Variants in DMXL2 observed in about 807,000 individuals in gnomAD.
DMXL2 encodes Dmx like 2, also known as dmX-like protein 2.
DMXL2 carries 103 observed loss-of-function variants against 331.1 expected under a neutral mutation model. That is an observed-to-expected ratio of 0.31 (90% CI 0.27 to 0.37). The LOEUF is 0.37. Among genes scored for constraint, DMXL2 ranks in the 10% least tolerant of loss-of-function variants. The probability of loss-of-function intolerance (pLI) is 1.00; values close to 1 mark genes in which losing one functional copy is unlikely to be tolerated. For missense variants in DMXL2, 3,171 were observed against 3,642.9 expected (o/e 0.87, Z 3.33); for synonymous variants, 1,281 against 1,252.1 (o/e 1.02, Z -0.49).
chr15:51,456,292 A>T lies in DMXL2; in HGVS notation c.8398+17T>A. 6 of 1,596,220 alleles carry T rather than the reference A, an allele frequency of 3.8e-6. No homozygotes were observed. The highest frequency in any genetic ancestry group is 4.3e-6 in the Non-Finnish European group (5 of 1,171,864). On this transcript the variant is annotated intron_variant, in intron 38 of 43. Coordinates refer to ENST00000560891, the MANE Select transcript of DMXL2 (RefSeq NM_001378457.1). ...CCAAATGAGGACACTTACAATTATT[A>T]GGTCATAAATACTTACAGTATTGAT...
At chr15:51,514,334 G>C (rs2046912026) in intron 15 of DMXL2, 108 bp downstream of exon 15, 1 of 662,584 alleles carries the variant, frequency 1.5e-6, no homozygotes, top group Non-Finnish European at 2.5e-6. Context: ...TGGTGAATCT[G>C]TCAAAAATTA....
intron 15 of DMXL2, among the ~76,000 whole-genome samples, chr15:51,513,350 G>T (rs1476329286): frequency 3.9e-5 from 6 of 152,166 alleles, no homozygotes; most frequent in Admixed American, 3.3e-4. Context: ...GCAAAGGTAA[G>T]ATACTACAGA....
chr15:51,498,469 A>C (rs1344921154), intron 18 of DMXL2, 83 bp downstream of exon 18: 1 of 1,377,578 alleles, frequency 7.3e-7, no homozygotes, highest in Non-Finnish European at 9.9e-7. Flanking sequence ...TTGAGACTGC[A>C]ATTCAGTAAA....
Position 51,468,318 on chromosome 15 carries a change from A to G in DMXL2, c.7393-2007T>C, listed in dbSNP as rs530078501. On this transcript the variant is annotated intron_variant, in intron 29 of 43. Coordinates refer to ENST00000560891, the MANE Select transcript of DMXL2 (RefSeq NM_001378457.1). ...TGATTAGCCTAGAATAAAACTAGAA[A>G]GCAGGCAAACTCAAACACTAGTGGA... 4.7e-4 allele frequency among the ~76,000 whole-genome samples: 72 copies of G among 152,352 alleles called. 1 individual carries two copies. Among genetic ancestry groups the G allele is most frequent in the African/African-American group, 1.7e-3 (70 of 41,572 alleles).
At chr15:51,492,037 A>G (rs962713494) in intron 19 of DMXL2, among the ~76,000 whole-genome samples, 1 of 152,242 alleles carries the variant, frequency 6.6e-6, no homozygotes, top group African/African-American at 2.4e-5. Context: ...AAATATTTGA[A>G]TATCAGGCCA....
chr15:51,497,927 C>A (rs1021602841), intron 18 of DMXL2, among the ~76,000 whole-genome samples: 2 of 152,062 alleles, frequency 1.3e-5, no homozygotes, highest in Non-Finnish European at 1.5e-5. Flanking sequence ...AGGGATCAAT[C>A]TGTGTTAAAA....
intron 8 of DMXL2, among the ~76,000 whole-genome samples, chr15:51,545,046 G>A (rs1206728070): frequency 1.3e-5 from 2 of 151,882 alleles, no homozygotes; most frequent in African/African-American, 4.8e-5. Flanking sequence ...ATTTCATACT[G>A]TATTTAAAAA....
chr15:51,533,479 G>C (rs2048119297), intron 13 of DMXL2, among the ~76,000 whole-genome samples: 1 of 152,068 alleles, frequency 6.6e-6, no homozygotes, highest in South Asian at 2.1e-4. Flanking sequence ...AAATCATGGA[G>C]AATGACATCA....
At chr15:51,475,232 C>A (rs2140331438) in intron 27 of DMXL2, among the ~76,000 whole-genome samples, 2 of 152,280 alleles carry the variant, frequency 1.3e-5, no homozygotes, top group Middle Eastern at 6.8e-3. Flanking sequence ...TGGCTCACAC[C>A]TGTAATCCCA....
intron 6 of DMXL2, among the ~76,000 whole-genome samples, chr15:51,548,447 T>C (rs768731200): frequency 5.9e-5 from 9 of 152,166 alleles, no homozygotes; most frequent in African/African-American, 1.7e-4. Context: ...TTTTAAGTGT[T>C]TGCCCTTAGA....
chr15:51,462,399 A>T (rs62018116), intron 33 of DMXL2, among the ~76,000 whole-genome samples: 1 of 152,152 alleles, frequency 6.6e-6, no homozygotes, highest in Admixed American at 6.5e-5. Flanking sequence ...GCAATGGCAC[A>T]ATCTTGGCTT....
intron 6 of DMXL2, among the ~76,000 whole-genome samples, chr15:51,556,217 C>T (rs987404194): frequency 2.6e-5 from 4 of 151,874 alleles, no homozygotes; most frequent in Non-Finnish European, 5.9e-5. Context: ...GTGGCGGGCG[C>T]CTGTAGTCCC....
chr15:51,458,241 G>T (rs911314356), intron 36 of DMXL2, among the ~76,000 whole-genome samples: 1 of 152,188 alleles, frequency 6.6e-6, no homozygotes, highest in African/African-American at 2.4e-5. Context: ...ATCCAGATCA[G>T]ATTAATTTAC....
intron 15 of DMXL2, among the ~76,000 whole-genome samples, chr15:51,509,540 A>G (rs1195274507): frequency 6.6e-6 from 1 of 152,204 alleles, no homozygotes; most frequent in African/African-American, 2.4e-5. Flanking sequence ...ACCAATAACA[A>G]GTTCTGAAAT....
Position 51,481,642 on chromosome 15 carries a change from T to TA in DMXL2, c.5483-20dup, listed in dbSNP as rs779589118. On this transcript the variant is annotated intron_variant, in intron 23 of 43. Transcript: ENST00000560891. ...ATGATAACTATAGAAATCAAACAGA[T>TA]AAAATCACAAAGCATTGTGTTAATA... 6.6e-6 allele frequency: 10 copies of TA among 1,515,688 alleles called. No individual in the cohort carries two copies. In the East Asian group the frequency reaches 6.8e-5, roughly 10 times the overall value. 93.9% of individuals were successfully genotyped at this position (1,515,688 alleles called of 1,614,324 possible).
At chr15:51,620,163 T>TTTTTG (rs552407699) in intron 1 of DMXL2, among the ~76,000 whole-genome samples, 7 of 152,192 alleles carry the variant, frequency 4.6e-5, no homozygotes, top group Non-Finnish European at 7.3e-5. Context: ...AGCAGCTTGT[T>TTTTTG]TTTTGTTTTG....
rs772628019 is a variant in DMXL2, at chr15:51,568,519, G to A, written c.253C>T (p.Pro85Ser). 1.2e-5 allele frequency: 19 copies of A among 1,576,956 alleles called. No homozygotes were observed. Among genetic ancestry groups the A allele is most frequent in the Non-Finnish European group, 1.5e-5 (17 of 1,168,314 alleles). Residue 85 changes from proline (P) to serine (S), a missense_variant, in exon 3 of 44, where the codon CCC (proline) becomes TCC (serine). By Grantham distance (74) the Pro-to-Ser change is moderately conservative. This residue lies in a region of DMXL2 where 1,674 missense variants were observed against 1,780.2 expected (regional missense o/e 0.94). Coordinates refer to ENST00000560891, the MANE Select transcript of DMXL2 (RefSeq NM_001378457.1). ...CTTTTATGAGAATTTATGCCCAAGG[G>A]CTCAAATATACAAACAGCATTACCA... The part of the protein sequence containing the change: ...SYGNAVCIFE[P>S]LGINSHKRNC...
Position 51,556,300 on chromosome 15 carries a change from G to A in DMXL2, c.567+7081C>T, listed in dbSNP as rs145366100. ...AGAGCTTGCAGTGAGCCGAGATCGC[G>A]CCACTGCACTCCACCCTGGGTGACA... On this transcript the variant is annotated intron_variant, in intron 6 of 43. Coordinates refer to ENST00000560891, the MANE Select transcript of DMXL2 (RefSeq NM_001378457.1). Among the ~76,000 whole-genome samples, 1,034 of 141,364 alleles carry A rather than the reference G, an allele frequency of 7.3e-3. 19 individuals carry two copies. The highest frequency in any genetic ancestry group is 0.026 in the African/African-American group (991 of 37,656). 92.7% of individuals were successfully genotyped at this position (141,364 alleles called of 152,430 possible). A position where few individuals can be genotyped will look rare whatever the true frequency, so the allele number is the denominator to read the frequency against.
chr15:51,500,281 A>G (rs935914214), intron 17 of DMXL2, 50 bp from the exon 18 acceptor site: 5 of 1,492,368 alleles, frequency 3.4e-6, no homozygotes, highest in Non-Finnish European at 4.5e-6. Flanking sequence ...TAAAGCCACA[A>G]AATAATATGG....
Sources: gnomAD v4.1 joint callset for allele counts (sites outside exome capture counted in the v4.1 genomes callset) on GRCh38, gnomAD v4.1.1 for gene constraint, gnomAD v4.1.1 regional missense constraint, MANE v1.5 for transcripts, NCBI Gene and HGNC (gene_info 2026-07-23, HGNC 2026-07-21) for gene names.